Variants in SPEN observed in about 807,000 individuals in gnomAD.
The protein encoded by SPEN is msx2-interacting protein.
A neutral mutation model predicts 269.9 loss-of-function variants in SPEN; 18 were observed. The observed-to-expected ratio is 0.07, with a 90% CI of 0.05 to 0.10. The LOEUF (loss-of-function observed/expected upper bound fraction) is 0.10. SPEN is among the 10% of genes least tolerant of loss of function. The pLI is 1.00. For missense variants in SPEN, 3,822 were observed against 4,631.2 expected (o/e 0.83, Z 5.07); for synonymous variants, 1,726 against 1,765.7 (o/e 0.98, Z 0.56).
rs1313199096 is a variant in SPEN, at chr1:15,872,993, T to C, written c.261T>C (p.Ala87=). Residue 87 remains alanine (A), a synonymous_variant, in exon 2 of 15, where the codon GCT becomes GCC. Transcript: ENST00000375759. The part of the protein sequence containing the change: ...DYNEPGTIPS[A]ARGLDDTVSI... ...ATGAACCAGGCACCATCCCGAGTGC[T>C]GCTCGGGGATTGGATGATACAGTTT... 5.6e-6 allele frequency: 9 copies of C among 1,614,034 alleles called. No homozygotes were observed. The highest frequency in any genetic ancestry group is 2.2e-5 in the East Asian group (1 of 44,896).
rs1368407690 is a variant in SPEN, at chr1:15,899,565, A to C, written c.882-9756A>C. 3.9e-5 allele frequency among the ~76,000 whole-genome samples: 3 copies of C among 76,422 alleles called. No homozygotes were observed. The East Asian group carries it at 7.6e-4, about 19-fold the overall frequency. 50.1% of individuals were successfully genotyped at this position (76,422 alleles called of 152,430 possible). A position where few individuals can be genotyped will look rare whatever the true frequency, so the allele number is the denominator to read the frequency against. On this transcript the variant is annotated intron_variant, in intron 3 of 14. Transcript: ENST00000375759. ...TTTTTTTTTTTTTTTTTTTTTTTTA[A>C]GATCCTGTGTTGTTTATGCTGAACT...
intron 1 of SPEN, among the ~76,000 whole-genome samples, chr1:15,862,321 A>T (rs376284269): frequency 6.6e-6 from 1 of 152,226 alleles, no homozygotes; most frequent in Non-Finnish European, 1.5e-5. Context: ...CTAGAAAAGT[A>T]CTATGTAAAT....
At chr1:15,861,563 C>T (rs1005137828) in intron 1 of SPEN, among the ~76,000 whole-genome samples, 5 of 152,078 alleles carry the variant, frequency 3.3e-5, no homozygotes, top group African/African-American at 1.2e-4. Context: ...AGCTGATTTC[C>T]TTCTCAGCAG....
intron 1 of SPEN, among the ~76,000 whole-genome samples, chr1:15,865,922 G>A (rs2070501965): frequency 6.7e-6 from 1 of 148,372 alleles, no homozygotes; most frequent in Admixed American, 6.8e-5. Flanking sequence ...CCAAACTGTA[G>A]TGCAGTGGCA....
intron 1 of SPEN, among the ~76,000 whole-genome samples, chr1:15,861,993 G>A (rs984569567): frequency 2.0e-5 from 3 of 152,212 alleles, no homozygotes; most frequent in African/African-American, 7.2e-5. Flanking sequence ...AGTGAGCTGA[G>A]ATTGCGCCAC....
chr1:15,884,500 T>C (rs1306216427), intron 3 of SPEN, among the ~76,000 whole-genome samples: 2 of 152,150 alleles, frequency 1.3e-5, no homozygotes, highest in East Asian at 1.9e-4. Flanking sequence ...AATGGTGGCA[T>C]TGTATGTATC....
rs746305617 is a variant in SPEN, at chr1:15,895,678, CTT to C, written c.882-13625_882-13624del. Among the ~76,000 whole-genome samples, 297 of 129,634 alleles carry C rather than the reference CTT, an allele frequency of 2.3e-3. 5 individuals carry two copies. The East Asian group carries it at 0.043, about 19-fold the overall frequency. The allele number at this position is 129,634 out of a possible 152,430, so 85.0% of individuals were successfully genotyped here. A position where few individuals can be genotyped will look rare whatever the true frequency, so the allele number is the denominator to read the frequency against. ...TCCCAAATAATTACTTATACTTAAC[CTT>C]TTTTTTTTTTTTTTTTTGGAGACAG... On this transcript the variant is annotated intron_variant, in intron 3 of 14. Coordinates refer to ENST00000375759, the MANE Select transcript of SPEN (RefSeq NM_015001.3).
intron 1 of SPEN, among the ~76,000 whole-genome samples, chr1:15,853,270 A>G (rs1033113389): frequency 1.3e-5 from 2 of 150,580 alleles, no homozygotes; most frequent in African/African-American, 4.9e-5. Context: ...GCTCACTGCA[A>G]CCTCCTCCTG....
chr1:15,928,535 C>G lies in SPEN; in HGVS notation c.2295C>G (p.Ser765Arg), dbSNP rs746382503. Residue 765 changes from serine (S) to arginine (R), a missense_variant, in exon 11 of 15, where the codon AGC becomes AGG. Ser to Arg is a moderately radical substitution (Grantham distance 110). Around this residue, in one of 16 missense-constraint regions of SPEN, gnomAD observed 572 missense variants for 582.6 expected, o/e 0.98. Coordinates refer to ENST00000375759, the MANE Select transcript of SPEN (RefSeq NM_015001.3). This position sits in a 1 kb window ranked among gnomAD's most constrained non-coding sequence, Gnocchi z 5.7. ...LYSRSSDRSG[S>R]CSSLSPPRYE... The stretch of plus-strand genomic sequence containing the variant: ...GCCGATCCTCAGACCGGAGTGGAAG[C>G]TGTAGCTCACTCTCCCCTCCAAGAT... 6.2e-7 allele frequency: 1 copy of G among 1,614,130 alleles called. No individual in the cohort carries two copies. Among genetic ancestry groups the G allele is most frequent in the Non-Finnish European group, 8.5e-7 (1 of 1,180,032 alleles).
At chr1:15,919,315 A>C in intron 7 of SPEN, 89 bp from the exon 8 acceptor site, 1 of 850,736 alleles carries the variant, frequency 1.2e-6, no homozygotes. Context: ...TGATAAGATT[A>C]CTATAGAAAA....
intron 10 of SPEN, among the ~76,000 whole-genome samples, chr1:15,925,512 G>A (rs1256632418): frequency 6.6e-6 from 1 of 152,122 alleles, no homozygotes; most frequent in Non-Finnish European, 1.5e-5. Flanking sequence ...AAGCTGAACA[G>A]TGCTCCAGCA....
chr1:15,937,056 A>G lies in SPEN; in HGVS notation c.10027-107A>G. The G allele has an allele frequency of 6.8e-7, 1 of 1,472,824 alleles. No individual in the cohort carries two copies. Among genetic ancestry groups the G allele is most frequent in the Non-Finnish European group, 9.1e-7 (1 of 1,095,312 alleles). The allele number at this position is 1,472,824 out of a possible 1,614,324, so 91.2% of individuals were successfully genotyped here. ...TTCTGTGGGCCTGACTTAACGGGAG[A>G]TGCCACATCTTATCCTTTCCCTGTG... On this transcript the variant is annotated intron_variant, in intron 11 of 14. Coordinates refer to ENST00000375759, the MANE Select transcript of SPEN (RefSeq NM_015001.3). This position sits in a 1 kb window ranked among gnomAD's most constrained non-coding sequence, Gnocchi z 5.7.
In SPEN at chr1:15,940,193, G is replaced by C. The variant is rs575295965; in HGVS notation, c.*766G>C. ...AATCTGTGCCAAAAATGTGTTTTCAGAGGAAATCTTATTTTCATATTCAGA... is the reference window on the plus strand; with the variant it reads ...AATCTGTGCCAAAAATGTGTTTTCACAGGAAATCTTATTTTCATATTCAGA... On this transcript the variant is annotated 3_prime_UTR_variant, in exon 15 of 15. Coordinates refer to ENST00000375759, the MANE Select transcript of SPEN (RefSeq NM_015001.3). The C allele has an allele frequency of 8.7e-6, 2 of 230,808 alleles. No individual in the cohort carries two copies. The highest frequency in any genetic ancestry group is 4.4e-5 in the African/African-American group (2 of 45,104). 14.3% of individuals were successfully genotyped at this position (230,808 alleles called of 1,614,324 possible).
chr1:15,904,029 A>G (rs1276365441), intron 3 of SPEN, among the ~76,000 whole-genome samples: 1 of 152,200 alleles, frequency 6.6e-6, no homozygotes, highest in African/African-American at 2.4e-5. Context: ...AACATAAAAA[A>G]TTTTTAAAAA....
At chr1:15,854,798 A>C (rs1371996420) in intron 1 of SPEN, among the ~76,000 whole-genome samples, 2 of 152,076 alleles carry the variant, frequency 1.3e-5, no homozygotes, top group African/African-American at 4.8e-5. Context: ...TGTAATTTTT[A>C]TGTGATATCT....
intron 1 of SPEN, among the ~76,000 whole-genome samples, chr1:15,854,224 T>C (rs1375257637): frequency 2.0e-5 from 3 of 152,174 alleles, no homozygotes; most frequent in Non-Finnish European, 4.4e-5. Flanking sequence ...TAAATTGGGC[T>C]CCTGAATTGT....
rs2071331091 is a variant in SPEN at position 15,940,250 on chromosome 1, G to A, written c.*823G>A. 4.3e-6 allele frequency: 1 copy of A among 232,876 alleles called. No homozygotes were observed. Among genetic ancestry groups the A allele is most frequent in the Non-Finnish European group, 8.5e-6 (1 of 117,662 alleles). The allele number at this position is 232,876 out of a possible 1,614,324, so 14.4% of individuals were successfully genotyped here. ...ATTGCCCACTCATTTGTATAAGTGC[G>A]CTTCGGTACAGCACGGGTCCTGCTC... On this transcript the variant is annotated 3_prime_UTR_variant, in exon 15 of 15. Transcript: ENST00000375759.
intron 3 of SPEN, among the ~76,000 whole-genome samples, chr1:15,886,735 A>G (rs768819970): frequency 6.6e-6 from 1 of 152,206 alleles, no homozygotes; most frequent in Non-Finnish European, 1.5e-5. Context: ...GCTTGGCCAC[A>G]TCACAACATG....
intron 3 of SPEN, among the ~76,000 whole-genome samples, chr1:15,907,182 T>G (rs1183939567): frequency 6.6e-6 from 1 of 152,120 alleles, no homozygotes; most frequent in Admixed American, 6.5e-5. Flanking sequence ...TTATTTAGTT[T>G]TAAAAAAATG....
Sources: allele counts gnomAD v4.1 joint callset (sites outside exome capture counted in the v4.1 genomes callset), GRCh38; gene constraint gnomAD v4.1.1; regional missense constraint gnomAD v4.1.1; non-coding constraint Gnocchi (gnomAD v3.1); transcripts MANE v1.5; gene names NCBI Gene and HGNC (gene_info 2026-07-23, HGNC 2026-07-21).